Variants in OTP observed in about 807,000 individuals in gnomAD.
The protein encoded by OTP is homeobox protein orthopedia.
A neutral mutation model predicts 22.3 loss-of-function variants in OTP; 5 were observed. The observed-to-expected ratio is 0.22, with a 90% confidence interval of 0.12 to 0.47. The LOEUF is 0.47. Among genes scored for constraint, OTP ranks in the 20% least tolerant of loss-of-function variants. The probability of loss-of-function intolerance (pLI) is 0.99; values close to 1 mark genes in which losing one functional copy is unlikely to be tolerated. For missense variants in OTP, 428 were observed against 456.2 expected (o/e 0.94, Z 0.56); for synonymous variants, 229 against 210.6 (o/e 1.09, Z -0.76).
chr5:77,635,205 A>C lies in OTP; in HGVS notation c.447+1616T>G, dbSNP rs368813744. On this transcript the variant is annotated intron_variant, in intron 2 of 2. Transcript: ENST00000306422. The stretch of plus-strand genomic sequence containing the variant: ...TAGATAATCTTTCTCTTAAAGGACA[A>C]AACCCCAAAATTTATGAATTTCTAA... Among the ~76,000 whole-genome samples the C allele has an allele frequency of 2.0e-4, 31 of 152,338 alleles. 1 individual carries two copies. Among genetic ancestry groups the C allele is most frequent in the East Asian group, 1.5e-3 (8 of 5,194 alleles).
chr5:77,630,119 G>T lies in OTP; in HGVS notation c.*145C>A. On this transcript the variant is annotated 3_prime_UTR_variant, in exon 3 of 3. Transcript: ENST00000306422. The stretch of plus-strand genomic sequence containing the variant: ...GGCTTGGGGTGAGCCCGAGCGAGTG[G>T]AGGAGAGAGGCGAGGACGAAACGAG... The T allele has an allele frequency of 2.6e-6, 1 of 379,348 alleles. No homozygotes were observed. The highest frequency in any genetic ancestry group is 4.3e-6 in the Non-Finnish European group (1 of 232,438). 23.5% of individuals were successfully genotyped at this position (379,348 alleles called of 1,614,324 possible). A position where few individuals can be genotyped will look rare whatever the true frequency, so the allele number is the denominator to read the frequency against.
At position 77,630,300 on chromosome 5, in the gene OTP, C is replaced by T. The variant is rs906916590; in HGVS notation, c.942G>A (p.Lys314=). Reference sequence around the variant, plus strand: ...TCATAGAGACTGTGTGCTCTAGCGCCTTGCGGCGGAGGGAGGCGATGCTGG... The same window carrying T: ...TCATAGAGACTGTGTGCTCTAGCGCTTTGCGGCGGAGGGAGGCGATGCTGG... ...RGTSIASLRR[K]ALEHTVSMSF... Residue 314 remains lysine (K), a synonymous_variant, in exon 3 of 3, where the codon AAG becomes AAA. Transcript: ENST00000306422. The T allele has an allele frequency of 6.4e-7, 1 of 1,563,892 alleles. No individual in the cohort carries two copies.
At position 77,630,387 on chromosome 5, in the gene OTP, G is replaced by C. The variant is rs757954758; in HGVS notation, c.855C>G (p.Ser285Arg). Reference sequence around the variant, plus strand: ...AGAGCTGGGGCGAACCGGAGACGTTGCTGGGGCCGGGGAGGGAGGCGGGCA... The same window carrying C: ...AGAGCTGGGGCGAACCGGAGACGTTCCTGGGGCCGGGGAGGGAGGCGGGCA... ...GMVPASLPGP[S>R]NVSGSPQLCS... Residue 285 changes from serine to arginine, a missense_variant, in exon 3 of 3, where the codon AGC becomes AGG. This residue lies in a region of OTP where 236 missense variants were observed against 238.1 expected (regional missense o/e 0.99). Transcript: ENST00000306422. 1.5e-5 allele frequency: 24 copies of C among 1,579,640 alleles called. No individual in the cohort carries two copies. Among genetic ancestry groups the C allele is most frequent in the Non-Finnish European group, 1.9e-5 (22 of 1,166,470 alleles).
At position 77,630,750 on chromosome 5, in the gene OTP, C is replaced by A. The variant is rs1485963862; in HGVS notation, c.492G>T (p.Lys164Asn). The change falls in exon 3 of 3, where the codon AAG becomes AAT. Residue 164 changes from lysine (K) to asparagine (N), a missense_variant. Coordinates refer to ENST00000306422, the MANE Select transcript of OTP (RefSeq NM_032109.3). ...CGGGCGCACGGAACACGTTGGTCGT[C>A]TTTTTGCGCTTCTTCCACTTGGCGC... ...NRRAKWKKRK[K>N]TTNVFRAPGT... The A allele has an allele frequency of 6.3e-7, 1 of 1,577,804 alleles. No homozygotes were observed. Among genetic ancestry groups the A allele is most frequent in the Admixed American group, 1.8e-5 (1 of 55,838 alleles).
rs752604920 is a variant in OTP, at chr5:77,637,108, C to G, written c.160G>C (p.Gly54Arg). 6.2e-7 allele frequency: 1 copy of G among 1,612,132 alleles called. No individual in the cohort carries two copies. The highest frequency in any genetic ancestry group is 1.7e-5 in the Admixed American group (1 of 59,730). ...TCCTCCCCGGGCAGCAGAGTGGCTC[C>G]CTCCACTGGGTCAGAGTTGGGCGCC... ...DLAPNSDPVE[G>R]ATLLPGEDIT... The change falls in exon 2 of 3, where the codon GGA (glycine) becomes CGA (arginine). Residue 54 changes from glycine to arginine, a missense_variant. Coordinates refer to ENST00000306422, the MANE Select transcript of OTP (RefSeq NM_032109.3).
chr5:77,637,866 G>A (rs1475636069), intron 1 of OTP, among the ~76,000 whole-genome samples: 3 of 152,186 alleles, frequency 2.0e-5, no homozygotes, highest in African/African-American at 7.2e-5. Context: ...AAGGAAACTC[G>A]AGTGAACTCT....
At chr5:77,636,640 A>T (rs1055361279) in intron 2 of OTP, 181 bp downstream of exon 2, 6 of 605,272 alleles carry the variant, frequency 9.9e-6, no homozygotes, top group Admixed American at 3.1e-5. Flanking sequence ...TTGCGTGTCC[A>T]TTGGGGGATG....
At chr5:77,633,711 G>A (rs1412998579) in intron 2 of OTP, among the ~76,000 whole-genome samples, 1 of 152,152 alleles carries the variant, frequency 6.6e-6, no homozygotes, top group Non-Finnish European at 1.5e-5. Flanking sequence ...TATATAGCCC[G>A]TTTAATTCCC....
chr5:77,630,182 G>A lies in OTP; in HGVS notation c.*82C>T, dbSNP rs966024501. The A allele has an allele frequency of 3.3e-5, 31 of 928,100 alleles. No individual in the cohort carries two copies. Among genetic ancestry groups the A allele is most frequent in the Non-Finnish European group, 4.2e-5 (30 of 707,774 alleles). 57.5% of individuals were successfully genotyped at this position (928,100 alleles called of 1,614,324 possible). ...CCGGGGCGGGACGGGGCAGGGCGCC[G>A]GGGTCCGGGTGCGCGCCGGAAGGGC... On this transcript the variant is annotated 3_prime_UTR_variant, in exon 3 of 3. Coordinates refer to ENST00000306422, the MANE Select transcript of OTP (RefSeq NM_032109.3).
intron 2 of OTP, among the ~76,000 whole-genome samples, chr5:77,631,017 C>T (rs538457518): frequency 6.6e-6 from 1 of 152,244 alleles, no homozygotes; most frequent in African/African-American, 2.4e-5. Flanking sequence ...CGGAGTCCTG[C>T]GCTCCTAAGA....
In OTP at chr5:77,629,223, GTTTA is replaced by G. The variant is rs1744878612; in HGVS notation, c.*1037_*1040del. On this transcript the variant is annotated 3_prime_UTR_variant, in exon 3 of 3. Coordinates refer to ENST00000306422, the MANE Select transcript of OTP (RefSeq NM_032109.3). ...TTACAAAAGAAAATTTTGCTTACACGTTTATTTTATTCTTCCTTATAAAGACTTA... is the reference window on the plus strand; with the variant it reads ...TTACAAAAGAAAATTTTGCTTACACGTTTTATTCTTCCTTATAAAGACTTA... 2.6e-5 allele frequency: 4 copies of G among 152,168 alleles called. No individual in the cohort carries two copies. The South Asian group carries it at 8.3e-4, about 32-fold the overall frequency. 9.4% of individuals were successfully genotyped at this position (152,168 alleles called of 1,614,324 possible).
chr5:77,635,620 C>T (rs940959184), intron 2 of OTP, among the ~76,000 whole-genome samples: 3 of 152,192 alleles, frequency 2.0e-5, no homozygotes, highest in Admixed American at 1.3e-4. Flanking sequence ...GAGACAGAAA[C>T]ATTCAACGCT....
Position 77,637,067 on chromosome 5 carries a change from G to A in OTP, c.201C>T (p.Gly67=), listed in dbSNP as rs150715110. Residue 67 remains glycine (G), a synonymous_variant, in exon 2 of 3, where the codon GGC becomes GGT. Transcript: ENST00000306422. The stretch of plus-strand genomic sequence containing the variant: ...TCACCGCCAGCGAGGCCGGAGTAGA[G>A]CCCACTGTGGTGATGTCCTCCCCGG... ...LLPGEDITTV[G]STPASLAVSA... 639 of 1,613,326 alleles carry A rather than the reference G, an allele frequency of 4.0e-4. No homozygotes were observed. In the African/African-American group the frequency reaches 7.5e-3, roughly 19 times the overall value.
chr5:77,635,533 C>T (rs896006543), intron 2 of OTP, among the ~76,000 whole-genome samples: 1 of 152,114 alleles, frequency 6.6e-6, no homozygotes, highest in African/African-American at 2.4e-5. Flanking sequence ...TTTTAAATCC[C>T]CAATAATATT....
Position 77,630,710 on chromosome 5 carries a change from T to C in OTP, c.532A>G (p.Thr178Ala), listed in dbSNP as rs1374140201. 2 of 1,582,638 alleles carry C rather than the reference T, an allele frequency of 1.3e-6. No individual in the cohort carries two copies. The highest frequency in any genetic ancestry group is 1.7e-6 in the Non-Finnish European group (2 of 1,173,008). ...VFRAPGTLLP[T>A]PGLPQFPSAA... ...GACGGGAACTGAGGCAGGCCTGGCG[T>C]GGGCAGCAGTGTGCCGGGCGCACGG... The change falls in exon 3 of 3, where the codon ACG becomes GCG. Residue 178 changes from threonine (T) to alanine (A), a missense_variant. This residue lies in a region of OTP where 236 missense variants were observed against 238.1 expected (regional missense o/e 0.99). Transcript: ENST00000306422.
chr5:77,636,539 C>T (rs1017874073), intron 2 of OTP: 2 of 359,388 alleles, frequency 5.6e-6, no homozygotes, highest in Non-Finnish European at 1.0e-5. Flanking sequence ...CCTTCTCAGG[C>T]GGAGGAGGCG....
rs889356835 is a variant in OTP, at chr5:77,629,619, C to T, written c.*645G>A. 4.6e-5 allele frequency: 7 copies of T among 152,806 alleles called. No individual in the cohort carries two copies. Among genetic ancestry groups the T allele is most frequent in the African/African-American group, 1.4e-4 (6 of 41,458 alleles). 9.5% of individuals were successfully genotyped at this position (152,806 alleles called of 1,614,324 possible). On this transcript the variant is annotated 3_prime_UTR_variant, in exon 3 of 3. Coordinates refer to ENST00000306422, the MANE Select transcript of OTP (RefSeq NM_032109.3). The stretch of plus-strand genomic sequence containing the variant: ...CCCTAACATTGTGCTGTCCCTTGAA[C>T]ACGTCCGTGTGTGACCTAGGTGCAC...
At chr5:77,632,526 G>A (rs1480568264) in intron 2 of OTP, among the ~76,000 whole-genome samples, 1 of 152,038 alleles carries the variant, frequency 6.6e-6, no homozygotes, top group Non-Finnish European at 1.5e-5. Flanking sequence ...GGACATACCT[G>A]CCCTCGGTCT....
intron 2 of OTP, among the ~76,000 whole-genome samples, chr5:77,632,084 C>T (rs1221713144): frequency 7.0e-6 from 1 of 143,634 alleles, no homozygotes; most frequent in African/African-American, 2.6e-5. Context: ...AAATACACTC[C>T]AAATGAAAAC....
Sources: allele counts gnomAD v4.1 joint callset (sites outside exome capture counted in the v4.1 genomes callset), GRCh38; gene constraint gnomAD v4.1.1; regional missense constraint gnomAD v4.1.1; transcripts MANE v1.5; gene names NCBI Gene and HGNC (gene_info 2026-07-23, HGNC 2026-07-21).